The following NELL1 variants were observed in gnomAD, a reference collection of about 807,000 sequenced individuals.
NELL1 encodes the protein protein kinase C-binding protein NELL1.
A neutral mutation model predicts 107.4 loss-of-function variants in NELL1; 76 were observed. The ratio of observed to expected loss-of-function variants is 0.71; its 90% confidence interval spans 0.59 to 0.86. The LOEUF is 0.86. Among genes scored for constraint, NELL1 ranks in the 40% least tolerant of loss-of-function variants. The pLI is 0.00. For missense variants in NELL1, 1,024 were observed against 1,005.5 expected (o/e 1.02, Z -0.25); for synonymous variants, 353 against 341.2 (o/e 1.03, Z -0.38).
At chr11:21,239,541 AG>A (rs1218646074) in intron 14 of NELL1, among the ~76,000 whole-genome samples, 22 of 152,180 alleles carry the variant, frequency 1.4e-4, no homozygotes, top group African/African-American at 5.3e-4. Context: ...TCTAATATGT[AG>A]CCTGAAGCAG....
intron 15 of NELL1, among the ~76,000 whole-genome samples, chr11:21,431,015 TG>T (rs1427801058): frequency 1.3e-5 from 2 of 152,172 alleles, no homozygotes; most frequent in African/African-American, 4.8e-5. Flanking sequence ...AAAAAATCTT[TG>T]GGTGACTTCC....
At chr11:20,788,005 C>T (rs997671696) in intron 3 of NELL1, among the ~76,000 whole-genome samples, 1 of 150,562 alleles carries the variant, frequency 6.6e-6, no homozygotes, top group African/African-American at 2.4e-5. Flanking sequence ...ATAATGCTTT[C>T]GAGGTTCATT....
chr11:20,681,476 C>T (rs1429359422), intron 2 of NELL1, among the ~76,000 whole-genome samples: 1 of 152,020 alleles, frequency 6.6e-6, no homozygotes, highest in Non-Finnish European at 1.5e-5. Flanking sequence ...CTTTTAACAT[C>T]TATATTTATT....
chr11:21,018,182 TG>T (rs1227339643), intron 12 of NELL1, among the ~76,000 whole-genome samples: 1 of 152,160 alleles, frequency 6.6e-6, no homozygotes, highest in Non-Finnish European at 1.5e-5. Flanking sequence ...GCAGGATGTT[TG>T]GGAAGAGAAT....
chr11:21,116,795 A>G (rs1327466243), intron 13 of NELL1, among the ~76,000 whole-genome samples: 4 of 151,926 alleles, frequency 2.6e-5, no homozygotes, highest in Non-Finnish European at 5.9e-5. Flanking sequence ...GACTTCAGCC[A>G]TGGCCATCAC....
chr11:21,249,643 G>C (rs1008795564), intron 14 of NELL1, among the ~76,000 whole-genome samples: 1 of 152,100 alleles, frequency 6.6e-6, no homozygotes. Context: ...ACGAAATGGT[G>C]CAATTCCAAT....
intron 2 of NELL1, among the ~76,000 whole-genome samples, chr11:20,725,358 G>T (rs1798315277): frequency 6.6e-6 from 1 of 152,178 alleles, no homozygotes; most frequent in South Asian, 2.1e-4. Flanking sequence ...CATCAGGGAA[G>T]CCCCAGAGAT....
intron 14 of NELL1, among the ~76,000 whole-genome samples, chr11:21,352,564 C>T (rs1471158652): frequency 1.3e-5 from 2 of 152,066 alleles, no homozygotes; most frequent in Non-Finnish European, 1.5e-5. Flanking sequence ...ATTACAAAGG[C>T]TGCAGTGGGG....
At chr11:20,883,885 G>A (rs1362565409) in intron 4 of NELL1, among the ~76,000 whole-genome samples, 5 of 152,180 alleles carry the variant, frequency 3.3e-5, no homozygotes, top group African/African-American at 1.2e-4. Context: ...TTTAAAGGAA[G>A]TGTGTATCAT....
At chr11:21,403,550 C>G (rs544541003) in intron 15 of NELL1, among the ~76,000 whole-genome samples, 1 of 151,026 alleles carries the variant, frequency 6.6e-6, no homozygotes, top group East Asian at 2.0e-4. Flanking sequence ...CCATCCCAGG[C>G]ACCCATCCTT....
intron 14 of NELL1, chr11:21,260,204 A>T (rs1590781856): frequency 2.0e-5 from 3 of 151,892 alleles, no homozygotes; most frequent in Admixed American, 2.0e-4. Context: ...AAATGACACC[A>T]TTATTATGTT....
intron 14 of NELL1, among the ~76,000 whole-genome samples, chr11:21,290,402 A>AATAG (rs201898450): frequency 5.2e-5 from 4 of 76,276 alleles, no homozygotes; most frequent in Non-Finnish European, 8.1e-5. Flanking sequence ...TAAATAGATA[A>AATAG]ATAAATAAAT....
intron 14 of NELL1, among the ~76,000 whole-genome samples, chr11:21,331,947 C>T (rs1450931521): frequency 6.6e-6 from 1 of 152,010 alleles, no homozygotes; most frequent in African/African-American, 2.4e-5. Context: ...CTCTTTGGCG[C>T]TCTTTCCCCT....
At chr11:21,480,734 A>G (rs752440518) in intron 15 of NELL1, among the ~76,000 whole-genome samples, 1 of 152,186 alleles carries the variant, frequency 6.6e-6, no homozygotes, top group Non-Finnish European at 1.5e-5. Context: ...GTGCCTAACC[A>G]GTTGTGCCAG....
intron 4 of NELL1, among the ~76,000 whole-genome samples, chr11:20,878,502 A>G (rs771955701): frequency 9.9e-5 from 15 of 150,958 alleles, no homozygotes; most frequent in Non-Finnish European, 2.1e-4. Context: ...TTCTATCTCT[A>G]TCTCTTTTCC....
chr11:21,523,833 G>T (rs1855785038), intron 15 of NELL1, among the ~76,000 whole-genome samples: 1 of 152,058 alleles, frequency 6.6e-6, no homozygotes, highest in Non-Finnish European at 1.5e-5. Flanking sequence ...GTCTCTTGGG[G>T]ATCACTTTCT....
chr11:20,786,221 A>C (rs1811799), intron 3 of NELL1, among the ~76,000 whole-genome samples: 96,033 of 151,316 alleles, frequency 0.63, 33,841 homozygotes, highest in East Asian at 0.87. Flanking sequence ...GTGGTAGTGC[A>C]TGCCTGTAAT....
At chr11:21,266,890 T>C (rs79557584) in intron 14 of NELL1, among the ~76,000 whole-genome samples, 2,448 of 152,246 alleles carry the variant, frequency 0.016, 82 homozygotes, top group African/African-American at 0.056. Context: ...CTTATGCATT[T>C]ATTTTTCAAT....
At chr11:21,095,524 AG>A (rs1422738929) in intron 12 of NELL1, among the ~76,000 whole-genome samples, 1 of 152,222 alleles carries the variant, frequency 6.6e-6, no homozygotes, top group African/African-American at 2.4e-5. Flanking sequence ...AATTTAAAAA[AG>A]AAAGAGGTTT....
Sources: allele counts gnomAD v4.1 joint callset (sites outside exome capture counted in the v4.1 genomes callset), GRCh38; gene constraint gnomAD v4.1.1; transcripts MANE v1.5; gene names NCBI Gene and HGNC (gene_info 2026-07-23, HGNC 2026-07-21).